COL18A1: variants seen among roughly 807,000 people sequenced by gnomAD.
The protein encoded by COL18A1 is collagen type XVIII alpha 1 chain.
In COL18A1, 133 loss-of-function variants were observed where a neutral mutation model predicts 168.0. The ratio of observed to expected loss-of-function variants is 0.79; its 90% CI spans 0.69 to 0.91. The LOEUF (loss-of-function observed/expected upper bound fraction) is 0.91. COL18A1 is among the 40% of genes least tolerant of loss of function. COL18A1 has a pLI of 0.00. For synonymous variants in COL18A1, 949 were observed against 809.0 expected, an observed-to-expected ratio of 1.17 and a Z score of -2.94; for missense variants, 2,126 against 1,925.4, an observed-to-expected ratio of 1.10 and a Z score of -1.95.
chr21:45,476,593 G>T (rs1344380744), intron 6 of COL18A1, 113 bp downstream of exon 6: 11 of 1,316,666 alleles, frequency 8.4e-6, no homozygotes, highest in Non-Finnish European at 1.2e-5. Context: ...GTAGTGTGTG[G>T]TGTATATGGT....
intron 2 of COL18A1, among the ~76,000 whole-genome samples, chr21:45,440,612 G>C (rs956317048): frequency 4.6e-5 from 7 of 151,444 alleles, no homozygotes; most frequent in South Asian, 2.1e-4. Context: ...GGGCCTGCTG[G>C]GGTTTGAGCC....
At chr21:45,487,423 A>G (rs1420715032) in intron 16 of COL18A1, 24 bp from the exon 17 acceptor site, 4 of 1,611,242 alleles carry the variant, frequency 2.5e-6, no homozygotes, top group Non-Finnish European at 3.4e-6. Flanking sequence ...ACAGGCCCCT[A>G]CGTGTCTCGT....
intron 2 of COL18A1, among the ~76,000 whole-genome samples, chr21:45,459,086 G>A (rs955891539): frequency 5.3e-5 from 8 of 152,210 alleles, no homozygotes; most frequent in African/African-American, 1.7e-4. Context: ...CTCCATCAGC[G>A]TTCCTGGCCT....
chr21:45,455,288 G>C (rs1002947002), intron 2 of COL18A1, among the ~76,000 whole-genome samples: 1 of 152,264 alleles, frequency 6.6e-6, no homozygotes, highest in Non-Finnish European at 1.5e-5. Context: ...CACGGAGCCT[G>C]GGGCTGCTGC....
chr21:45,437,563 G>C (rs201538566), intron 2 of COL18A1, among the ~76,000 whole-genome samples: 56 of 1,770 alleles, frequency 0.032, no homozygotes, highest in Admixed American at 0.044. Flanking sequence ...CACACACACA[G>C]ACACAGGCAC....
In COL18A1 at chr21:45,497,757, AC is replaced by A; in HGVS notation, c.2683+99del. ...AGCCGCCACCACAAGCAGGTCCTGG[AC>A]CCTCACTGGGTGGTGACCACCTCAC... is the stretch of plus-strand genomic sequence containing the variant. On this transcript the variant is annotated intron_variant, in intron 32 of 41. Transcript: ENST00000651438. The A allele has an allele frequency of 1.5e-5, 22 of 1,506,352 alleles. No homozygotes were observed. In the South Asian group the frequency reaches 2.5e-4, roughly 17 times the overall value. The allele number at this position is 1,506,352 out of a possible 1,614,324, so 93.3% of individuals were successfully genotyped here. A position where few individuals can be genotyped will look rare whatever the true frequency, so the allele number is the denominator to read the frequency against.
rs1569292018 is a variant in COL18A1, at chr21:45,442,926, GGTGGTGGT to G, written c.107-25314_107-25307del. ...TGTGGGTGGTGGTGCTGGTGTGGGC[GGTGGTGGT>G]GCTGGTGTGGGCAGCGGTGCTGATG... On this transcript the variant is annotated intron_variant, in intron 2 of 41. Coordinates refer to ENST00000651438, the MANE Select transcript of COL18A1 (RefSeq NM_001379500.1). Among the ~76,000 whole-genome samples, 261 of 108,838 alleles carry G rather than the reference GGTGGTGGT, an allele frequency of 2.4e-3. 20 individuals carry two copies. The highest frequency in any genetic ancestry group is 0.011 in the African/African-American group (242 of 22,894). The allele number at this position is 108,838 out of a possible 152,430, so 71.4% of individuals were successfully genotyped here.
At chr21:45,405,330 G>T in intron 1 of COL18A1, 49 bp from the exon 2 acceptor site, 2 of 1,140,188 alleles carry the variant, frequency 1.8e-6, no homozygotes, top group Non-Finnish European at 2.2e-6. Context: ...CGGGTCCTGC[G>T]GGGGTCGCGG....
chr21:45,458,721 A>G (rs1279350735), intron 2 of COL18A1, among the ~76,000 whole-genome samples: 1 of 152,176 alleles, frequency 6.6e-6, no homozygotes, highest in African/African-American at 2.4e-5. Context: ...CTGCAAGCCC[A>G]CGGAGGCAGA....
intron 22 of COL18A1, among the ~76,000 whole-genome samples, chr21:45,492,061 G>A (rs1265379656): frequency 1.3e-5 from 2 of 152,226 alleles, no homozygotes; most frequent in Admixed American, 6.5e-5. Context: ...CACCTAGGAG[G>A]TGGGACTCTA....
chr21:45,452,548 ATG>A (rs1212752549), intron 2 of COL18A1, among the ~76,000 whole-genome samples: 1 of 152,006 alleles, frequency 6.6e-6, no homozygotes, highest in Non-Finnish European at 1.5e-5. Flanking sequence ...TTGTGTATGC[ATG>A]TGAGCATTCA....
chr21:45,440,868 C>CA (rs995896770), intron 2 of COL18A1, among the ~76,000 whole-genome samples: 1 of 152,192 alleles, frequency 6.6e-6, no homozygotes, highest in Admixed American at 6.5e-5. Context: ...TGAGGTTTCC[C>CA]AGCACCCTGG....
chr21:45,507,036 G>A, intron 37 of COL18A1: 1 of 316,264 alleles, frequency 3.2e-6, no homozygotes, highest in South Asian at 2.7e-5. Context: ...GAGGAGGCAG[G>A]GGATGGCATC....
At chr21:45,476,904 G>T (rs2035688615) in intron 6 of COL18A1, among the ~76,000 whole-genome samples, 1 of 146,846 alleles carries the variant, frequency 6.8e-6, no homozygotes, top group South Asian at 2.2e-4. Context: ...ACATGTGTGT[G>T]ATGTGTATTA....
intron 8 of COL18A1, 26 bp from the exon 9 acceptor site, chr21:45,478,301 A>T: frequency 6.2e-7 from 1 of 1,613,694 alleles, no homozygotes; most frequent in East Asian, 2.2e-5. Flanking sequence ...ATTTCCCATC[A>T]CTAATGGCTT....
At chr21:45,437,020 T>C (rs1448115667) in intron 2 of COL18A1, among the ~76,000 whole-genome samples, 1 of 152,036 alleles carries the variant, frequency 6.6e-6, no homozygotes, top group Non-Finnish European at 1.5e-5. Flanking sequence ...TTCCTGTACA[T>C]AGTGAAGGTG....
At position 45,444,573 on chromosome 21, in the gene COL18A1, A is replaced by T. The variant is rs867787009; in HGVS notation, c.107-23669A>T. Among the ~76,000 whole-genome samples the T allele has an allele frequency of 2.6e-5, 4 of 151,996 alleles. No homozygotes were observed. The South Asian group carries it at 8.3e-4, about 32-fold the overall frequency. On this transcript the variant is annotated intron_variant, in intron 2 of 41. Coordinates refer to ENST00000651438, the MANE Select transcript of COL18A1 (RefSeq NM_001379500.1). ...GCTGTGGACAGAGGAGCCCTCGATA[A>T]ATGCCAGCTGCGAGCACCGGGGGCC... is the stretch of plus-strand genomic sequence containing the variant.
intron 19 of COL18A1, 95 bp downstream of exon 19, chr21:45,489,616 C>T (rs1014264476): frequency 1.2e-5 from 9 of 770,076 alleles, no homozygotes; most frequent in Non-Finnish European, 1.5e-5. Flanking sequence ...CGGCCTTCCC[C>T]GCTCTTCCTG....
At position 45,493,784 on chromosome 21, in the gene COL18A1, G is replaced by A. The variant is rs567108055; in HGVS notation, c.2352+209G>A. On this transcript the variant is annotated intron_variant, in intron 26 of 41. Transcript: ENST00000651438. Reference sequence around the variant, plus strand: ...GCCCCTCGTCCTCTCCCTGCCCCTCGTCCTCTCCCTACCCCTGAGCCCACC... The same window carrying A: ...GCCCCTCGTCCTCTCCCTGCCCCTCATCCTCTCCCTACCCCTGAGCCCACC... 737 of 587,438 alleles carry A rather than the reference G, an allele frequency of 1.3e-3. 8 individuals are homozygous for A. The highest frequency in any genetic ancestry group is 7.7e-4 in the East Asian group (27 of 35,002). The allele number at this position is 587,438 out of a possible 1,614,324, so 36.4% of individuals were successfully genotyped here.
Sources: allele counts gnomAD v4.1 joint callset (sites outside exome capture counted in the v4.1 genomes callset), GRCh38; gene constraint gnomAD v4.1.1; transcripts MANE v1.5; gene names NCBI Gene and HGNC (gene_info 2026-07-23, HGNC 2026-07-21).